Variants in MPDZ observed in about 807,000 individuals in gnomAD.
MPDZ encodes the protein multiple PDZ domain crumbs cell polarity complex component, also known as multiple PDZ domain protein.
MPDZ carries 234 observed loss-of-function variants against 239.1 expected under a neutral mutation model. That is an observed-to-expected ratio of 0.98 (90% CI 0.88 to 1.09). MPDZ has a LOEUF of 1.09. Among genes scored for constraint, MPDZ ranks in the 50% least tolerant of loss-of-function variants. The pLI is 0.00. For synonymous variants in MPDZ, 1,048 were observed against 881.3 expected, an observed-to-expected ratio of 1.19 and a Z score of -3.35; for missense variants, 3,175 against 2,510.0, an observed-to-expected ratio of 1.26 and a Z score of -5.66.
intron 1 of MPDZ, among the ~76,000 whole-genome samples, chr9:13,266,459 T>G (rs1012729727): frequency 1.3e-5 from 2 of 152,254 alleles, no homozygotes; most frequent in Non-Finnish European, 2.9e-5. Context: ...CTCCTTCTCT[T>G]GGCCCATTCT....
intron 24 of MPDZ, among the ~76,000 whole-genome samples, chr9:13,154,510 T>G (rs1398158507): frequency 6.6e-6 from 1 of 152,178 alleles, no homozygotes; most frequent in Non-Finnish European, 1.5e-5. Flanking sequence ...ATTTATTTAG[T>G]CTCTGTCTTA....
intron 39 of MPDZ, among the ~76,000 whole-genome samples, chr9:13,117,577 G>C (rs1263047151): frequency 1.3e-5 from 2 of 150,296 alleles, no homozygotes; most frequent in Admixed American, 6.6e-5. Context: ...ACAAATACAT[G>C]TTTGCCATGC....
rs546388746 is a variant in MPDZ, at chr9:13,190,253, T to A, written c.2015A>T (p.Asp672Val). Residue 672 changes from aspartate to valine, a missense_variant, in exon 16 of 47, where the codon GAT (aspartate) becomes GTT (valine). Transcript: ENST00000319217. ...CGCATCAGTCATCGCCAGCACTGGA[T>A]CCTCTGTCTCTGATGACCCGATGAA... ...GEFIGSSETE[D>V]PVLAMTDAGQ... The A allele has an allele frequency of 1.2e-6, 2 of 1,610,784 alleles. No individual in the cohort carries two copies. The highest frequency in any genetic ancestry group is 2.7e-5 in the African/African-American group (2 of 74,952).
chr9:13,219,793 T>C (rs1228303929), intron 7 of MPDZ, 25 bp from the exon 8 acceptor site: 3 of 1,592,918 alleles, frequency 1.9e-6, no homozygotes, highest in East Asian at 4.5e-5. Flanking sequence ...ATTGAATAAT[T>C]AGACTATTAT....
chr9:13,249,757 T>G (rs949761525), intron 2 of MPDZ, among the ~76,000 whole-genome samples: 12 of 152,162 alleles, frequency 7.9e-5, no homozygotes, highest in African/African-American at 2.9e-4. Flanking sequence ...TCTTTAAAAC[T>G]AAAGAGCAGT....
rs779435226 is a variant in MPDZ, at chr9:13,122,131, C to T, written c.4993G>A (p.Ala1665Thr). Residue 1665 changes from alanine (A) to threonine (T), a missense_variant, in exon 37 of 47, where the codon GCA (alanine) becomes ACA (threonine). Ala to Thr is a moderately conservative substitution (Grantham distance 58). Transcript: ENST00000319217. Reference protein sequence around the residue: ...IIHEVYEEGAACKDGRLWAGD... With the variant: ...IIHEVYEEGATCKDGRLWAGD... ...GCCCAGAGTCTTCCATCTTTACATG[C>T]TGCTCCTTCTTCATAAACTTCATGG... 26 of 1,613,914 alleles carry T rather than the reference C, an allele frequency of 1.6e-5. No individual in the cohort carries two copies. The highest frequency in any genetic ancestry group is 1.0e-4 in the Admixed American group (6 of 60,006).
At chr9:13,199,263 C>A (rs889341920) in intron 12 of MPDZ, among the ~76,000 whole-genome samples, 1 of 151,722 alleles carries the variant, frequency 6.6e-6, no homozygotes, top group African/African-American at 2.4e-5. Context: ...TTTTATTTTT[C>A]TTGTAGCTGT....
intron 18 of MPDZ, among the ~76,000 whole-genome samples, chr9:13,186,010 C>G (rs1405831342): frequency 6.6e-6 from 1 of 152,088 alleles, no homozygotes; most frequent in Admixed American, 6.6e-5. Flanking sequence ...GCTCCACAAA[C>G]TTTAGATATG....
At chr9:13,200,292 G>A (rs1385147969) in intron 12 of MPDZ, among the ~76,000 whole-genome samples, 1 of 151,768 alleles carries the variant, frequency 6.6e-6, no homozygotes, top group Non-Finnish European at 1.5e-5. Flanking sequence ...ATCAATTATA[G>A]TGTCTCCTAT....
intron 1 of MPDZ, among the ~76,000 whole-genome samples, chr9:13,256,275 T>C (rs1228604990): frequency 6.6e-6 from 1 of 152,236 alleles, no homozygotes; most frequent in Non-Finnish European, 1.5e-5. Context: ...TTTGATCTTC[T>C]ATCCAGACCA....
At chr9:13,229,914 T>C (rs1265456142) in intron 3 of MPDZ, among the ~76,000 whole-genome samples, 1 of 152,070 alleles carries the variant, frequency 6.6e-6, no homozygotes, top group African/African-American at 2.4e-5. Context: ...CTAATTAAAG[T>C]AGAATCAAAT....
At chr9:13,242,510 T>C (rs1374284738) in intron 3 of MPDZ, among the ~76,000 whole-genome samples, 1 of 151,956 alleles carries the variant, frequency 6.6e-6, no homozygotes, top group Non-Finnish European at 1.5e-5. Context: ...TTAGGATGAT[T>C]TTATCATGTT....
chr9:13,202,974 C>T (rs1401299514), intron 12 of MPDZ, among the ~76,000 whole-genome samples: 2 of 152,054 alleles, frequency 1.3e-5, no homozygotes, highest in African/African-American at 4.8e-5. Context: ...TGTCACTCTT[C>T]AATTTACTGC....
intron 38 of MPDZ, among the ~76,000 whole-genome samples, chr9:13,121,292 TTCACTTTAATTAAATAGGG>T (rs1261809625): frequency 2.0e-5 from 3 of 152,162 alleles, no homozygotes; most frequent in African/African-American, 7.2e-5. Flanking sequence ...TTTTCCCTAA[TTCACTTTAATTAAATAGGG>T]TCACTTGGTC....
chr9:13,276,376 A>G (rs1255567099), intron 1 of MPDZ, among the ~76,000 whole-genome samples: 1 of 152,212 alleles, frequency 6.6e-6, no homozygotes, highest in African/African-American at 2.4e-5. Flanking sequence ...CATGCTAAAT[A>G]TCATTTCCGA....
Position 13,205,035 on chromosome 9 carries a change from C to A in MPDZ, c.1546+1G>T, listed in dbSNP as rs1956836100. The A allele has an allele frequency of 2.1e-6, 3 of 1,446,398 alleles. No individual in the cohort carries two copies. Among genetic ancestry groups the A allele is most frequent in the Non-Finnish European group, 2.7e-6 (3 of 1,100,718 alleles). The allele number at this position is 1,446,398 out of a possible 1,614,324, so 89.6% of individuals were successfully genotyped here. A position where few individuals can be genotyped will look rare whatever the true frequency, so the allele number is the denominator to read the frequency against. On this transcript the variant is annotated splice_donor_variant, in intron 12 of 46. Transcript: ENST00000319217. LOFTEE classifies it high-confidence loss of function. Reference sequence around the variant, plus strand: ...ACAATAAGCTGGCGCTAGGTGTTTACCTTCTTCTTCAGTTGGTAATATGTT... The same window carrying A: ...ACAATAAGCTGGCGCTAGGTGTTTAACTTCTTCTTCAGTTGGTAATATGTT...
Position 13,136,786 on chromosome 9 carries a change from T to G in MPDZ, c.4218A>C (p.Leu1406Phe), listed in dbSNP as rs976891579. ...AGGCATTCTGATGACTTCTTCCATATAAAATCTGACCATTGATCTGTGAGA... is the reference window on the plus strand; with the variant it reads ...AGGCATTCTGATGACTTCTTCCATAGAAAATCTGACCATTGATCTGTGAGA... ...DELLEINGQI[L>F]YGRSHQNASS... The change falls in exon 30 of 47, where the codon TTA becomes TTC. Residue 1406 changes from leucine to phenylalanine, a missense_variant. Physicochemically the swap from Leu to Phe is conservative, Grantham distance 22. Transcript: ENST00000319217. 3 of 1,597,338 alleles carry G rather than the reference T, an allele frequency of 1.9e-6. No homozygotes were observed. The Admixed American group carries it at 5.1e-5, about 27-fold the overall frequency.
At chr9:13,259,035 A>C (rs946887790) in intron 1 of MPDZ, among the ~76,000 whole-genome samples, 1 of 151,772 alleles carries the variant, frequency 6.6e-6, no homozygotes, top group Non-Finnish European at 1.5e-5. Context: ...AATACAGCTC[A>C]ATCCAATTTT....
intron 23 of MPDZ, 145 bp downstream of exon 23, chr9:13,162,546 G>T: frequency 2.5e-6 from 1 of 398,640 alleles, no homozygotes; most frequent in Admixed American, 4.3e-5. Context: ...ATATAATTGA[G>T]GGAAAGGGAA....
Sources: gnomAD v4.1 joint callset for allele counts (sites outside exome capture counted in the v4.1 genomes callset) on GRCh38, gnomAD v4.1.1 for gene constraint, MANE v1.5 for transcripts, NCBI Gene and HGNC (gene_info 2026-07-23, HGNC 2026-07-21) for gene names.